The following DLC1 variants were observed in gnomAD, a reference collection of about 807,000 sequenced individuals.
The protein encoded by DLC1 is DLC1 Rho GTPase activating protein.
DLC1 carries 54 observed loss-of-function variants against 140.3 expected under a neutral mutation model. The observed-to-expected ratio is 0.38, with a 90% confidence interval of 0.31 to 0.48. DLC1 has a LOEUF of 0.48. Among genes scored for constraint, DLC1 ranks in the 20% least tolerant of loss-of-function variants. DLC1 has a pLI of 0.96. For missense variants in DLC1, 2,536 were observed against 1,907.0 expected (o/e 1.33, Z -6.14); for synonymous variants, 986 against 728.1 (o/e 1.35, Z -5.70).
At chr8:13,544,282 A>T (rs894891861) in intron 1 of DLC1, among the ~76,000 whole-genome samples, 1 of 152,170 alleles carries the variant, frequency 6.6e-6, no homozygotes, top group East Asian at 1.9e-4. Context: ...ATAATTTGCA[A>T]CCCAGAGACC....
chr8:13,552,111 G>GTATAGATA (rs1803882571), intron 1 of DLC1, among the ~76,000 whole-genome samples: 1 of 54,534 alleles, frequency 1.8e-5, no homozygotes, highest in Non-Finnish European at 3.3e-5. Context: ...GTCTAGAGGT[G>GTATAGATA]TATATATATA....
intron 12 of DLC1, among the ~76,000 whole-genome samples, chr8:13,093,738 A>G (rs1310880333): frequency 6.6e-6 from 1 of 152,208 alleles, no homozygotes; most frequent in Non-Finnish European, 1.5e-5. Context: ...CAACCAATGA[A>G]ATAATCCAGA....
Position 13,531,565 on chromosome 8 carries a change from G to A in DLC1, c.-125-31369C>T, listed in dbSNP as rs140870741. On this transcript the variant is annotated intron_variant, in intron 1 of 1. Coordinates refer to the DLC1 transcript ENST00000631382. The stretch of plus-strand genomic sequence containing the variant: ...CACACCACTGCATTCCAGGCTGGGC[G>A]ACAGGGTGAGACTGTCTAAAAACAA... Among the ~76,000 whole-genome samples, 692 of 152,096 alleles carry A rather than the reference G, an allele frequency of 4.5e-3. 8 individuals are homozygous for A. Among genetic ancestry groups the A allele is most frequent in the African/African-American group, 0.016 (671 of 41,396 alleles).
At chr8:13,568,032 C>T in intron 1 of DLC1, 1 of 1,374,748 alleles carries the variant, frequency 7.3e-7, no homozygotes, top group Non-Finnish European at 9.7e-7. Flanking sequence ...TAAGACTTTA[C>T]TATGCTTCCT....
chr8:13,411,317 T>G (rs994921538), intron 2 of DLC1, among the ~76,000 whole-genome samples: 1 of 152,202 alleles, frequency 6.6e-6, no homozygotes. Flanking sequence ...TCTGACGAGC[T>G]ATCTACTGAA....
chr8:13,125,481 A>T (rs1385724879), intron 5 of DLC1, among the ~76,000 whole-genome samples: 2 of 152,216 alleles, frequency 1.3e-5, no homozygotes, highest in African/African-American at 4.8e-5. Context: ...TTACAGCAGC[A>T]TGTTGTCTTC....
chr8:13,198,690 C>G (rs1827206740), intron 5 of DLC1, among the ~76,000 whole-genome samples: 1 of 150,242 alleles, frequency 6.7e-6, no homozygotes, highest in African/African-American at 2.4e-5. Context: ...AACCCTCAAC[C>G]TACAGATAAG....
At chr8:13,509,232 A>G (rs1203721644) in intron 1 of DLC1, among the ~76,000 whole-genome samples, 1 of 152,216 alleles carries the variant, frequency 6.6e-6, no homozygotes, top group Non-Finnish European at 1.5e-5. Context: ...AGACACAGTA[A>G]TCACTCCGCG....
Position 13,098,788 on chromosome 8 carries a change from T to C in DLC1, c.2991-213A>G, listed in dbSNP as rs543567674. Among the ~76,000 whole-genome samples the C allele has an allele frequency of 3.9e-5, 6 of 152,284 alleles. 1 individual carries two copies. Among genetic ancestry groups the C allele is most frequent in the African/African-American group, 1.2e-4 (5 of 41,560 alleles). On this transcript the variant is annotated intron_variant, in intron 9 of 17. Coordinates refer to ENST00000276297, the MANE Select transcript of DLC1 (RefSeq NM_182643.3). ...GTGCCACCACATCTGACTCATTTTT[T>C]AATTTTTTGTAGAGATAGAGTCTCC... is the stretch of plus-strand genomic sequence containing the variant.
intron 2 of DLC1, among the ~76,000 whole-genome samples, chr8:13,421,147 C>G (rs1838304998): frequency 1.3e-5 from 2 of 152,156 alleles, no homozygotes; most frequent in Admixed American, 1.3e-4. Context: ...AACTCGATGA[C>G]AGATCCAGAA....
chr8:13,278,542 C>A (rs894760467), intron 5 of DLC1, among the ~76,000 whole-genome samples: 7 of 152,176 alleles, frequency 4.6e-5, no homozygotes, highest in Admixed American at 1.3e-4. Flanking sequence ...TGATAAGTTT[C>A]AAGGTAGAAG....
chr8:13,348,353 C>G (rs2117017963), intron 4 of DLC1, among the ~76,000 whole-genome samples: 1 of 152,248 alleles, frequency 6.6e-6, no homozygotes, highest in Middle Eastern at 3.4e-3. Flanking sequence ...GCGGTGCCAG[C>G]TCATTCAGGG....
At chr8:13,106,627 G>A (rs1170429480) in intron 7 of DLC1, among the ~76,000 whole-genome samples, 1 of 152,224 alleles carries the variant, frequency 6.6e-6, no homozygotes, top group African/African-American at 2.4e-5. Context: ...TTGAGCCACT[G>A]TGCCCGGCTA....
intron 4 of DLC1, among the ~76,000 whole-genome samples, chr8:13,334,250 G>C (rs1833726336): frequency 6.6e-6 from 1 of 152,082 alleles, no homozygotes; most frequent in African/African-American, 2.4e-5. Context: ...CGGAGACCTT[G>C]GGAGGGAAAG....
intron 5 of DLC1, among the ~76,000 whole-genome samples, chr8:13,140,594 T>C (rs868470051): frequency 4.6e-5 from 7 of 152,066 alleles, no homozygotes; most frequent in South Asian, 2.1e-4. Flanking sequence ...GTATTATGTA[T>C]ATTAGGGATA....
chr8:13,349,872 G>T (rs117067824), intron 4 of DLC1, among the ~76,000 whole-genome samples: 2,570 of 152,264 alleles, frequency 0.017, 36 homozygotes, highest in South Asian at 0.059. Context: ...AGATATTATG[G>T]GTTTGGAGGT....
chr8:13,149,538 C>A (rs1025295752), intron 5 of DLC1, among the ~76,000 whole-genome samples: 8 of 152,198 alleles, frequency 5.3e-5, no homozygotes, highest in Admixed American at 1.3e-4. Flanking sequence ...TTCCTCATCT[C>A]AGTCTATAAA....
intron 5 of DLC1, among the ~76,000 whole-genome samples, chr8:13,169,263 T>C (rs1468710585): frequency 1.3e-5 from 2 of 152,106 alleles, no homozygotes; most frequent in African/African-American, 4.8e-5. Context: ...TGTAATACTG[T>C]GGGGTTTTGT....
chr8:13,091,298 C>T lies in DLC1; in HGVS notation c.3855+20G>A. 1 of 1,612,796 alleles carries T rather than the reference C, an allele frequency of 6.2e-7. No homozygotes were observed. The highest frequency in any genetic ancestry group is 8.5e-7 in the Non-Finnish European group (1 of 1,179,156). On this transcript the variant is annotated intron_variant, in intron 14 of 17. Transcript: ENST00000276297. ...TTCACATTATCCTTAATAAAGGAGC[C>T]AAACTTCTCAATTCCTTACCTGGAA...
Sources: allele counts gnomAD v4.1 joint callset (sites outside exome capture counted in the v4.1 genomes callset), GRCh38; gene constraint gnomAD v4.1.1; transcripts MANE v1.5; gene names NCBI Gene and HGNC (gene_info 2026-07-23, HGNC 2026-07-21).